The following SYNPO2 variants were observed in gnomAD, a reference collection of about 807,000 sequenced individuals.
The protein encoded by SYNPO2 is synaptopodin 2.
Under a neutral mutation model 85.0 loss-of-function variants are expected in SYNPO2, and 56 were observed. The ratio of observed to expected loss-of-function variants is 0.66; its 90% CI spans 0.53 to 0.82. The LOEUF is 0.82. SYNPO2 is among the 40% of genes least tolerant of loss of function. SYNPO2 has a pLI of 0.00. For synonymous variants in SYNPO2, 602 were observed against 591.1 expected, an observed-to-expected ratio of 1.02 and a Z score of -0.27; for missense variants, 1,575 against 1,534.2, an observed-to-expected ratio of 1.03 and a Z score of -0.44.
At chr4:119,049,534 C>T (rs546444097) in intron 4 of SYNPO2, among the ~76,000 whole-genome samples, 4 of 152,298 alleles carry the variant, frequency 2.6e-5, no homozygotes, top group Non-Finnish European at 4.4e-5. Context: ...CTTTGACTCA[C>T]GACACATACA....
At chr4:118,871,571 A>ATT (rs67838256) in intron 1 of SYNPO2, among the ~76,000 whole-genome samples, 114,559 of 142,394 alleles carry the variant, frequency 0.8, 46,650 homozygotes, top group Middle Eastern at 0.88. Flanking sequence ...ATAAATAACA[A>ATT]TTTTTTTTTT....
intron 1 of SYNPO2, among the ~76,000 whole-genome samples, chr4:119,007,221 T>TATATATATATAC (rs1737067201): frequency 5.2e-5 from 2 of 38,662 alleles, no homozygotes; most frequent in Non-Finnish European, 9.2e-5. Context: ...CAAAGGTATA[T>TATATATATATAC]ATATATATAT....
At chr4:118,870,876 T>A (rs1197838541) in intron 1 of SYNPO2, among the ~76,000 whole-genome samples, 1 of 152,174 alleles carries the variant, frequency 6.6e-6, no homozygotes, top group Non-Finnish European at 1.5e-5. Context: ...ATCCTGCATA[T>A]GTATCCCAAA....
At chr4:118,969,503 C>T (rs78366160) in intron 1 of SYNPO2, among the ~76,000 whole-genome samples, 1 of 152,158 alleles carries the variant, frequency 6.6e-6, no homozygotes, top group Non-Finnish European at 1.5e-5. Flanking sequence ...AGGTGTGGAG[C>T]GCCAGTCTTT....
chr4:118,900,699 C>CTATATATATATATA (rs1339820717), intron 1 of SYNPO2, among the ~76,000 whole-genome samples: 4 of 29,438 alleles, frequency 1.4e-4, no homozygotes, highest in Non-Finnish European at 3.4e-4. Context: ...CTCTCTCTCT[C>CTATATATATATATA]TCTCTATATA....
chr4:118,944,339 T>C (rs1734424060), intron 1 of SYNPO2, among the ~76,000 whole-genome samples: 1 of 152,166 alleles, frequency 6.6e-6, no homozygotes, highest in Non-Finnish European at 1.5e-5. Flanking sequence ...CTTGGGAAAC[T>C]CTTTAGTCCT....
intron 1 of SYNPO2, among the ~76,000 whole-genome samples, chr4:118,962,534 T>C (rs1402217965): frequency 6.6e-6 from 1 of 152,234 alleles, no homozygotes; most frequent in Non-Finnish European, 1.5e-5. Flanking sequence ...TTTTCCTAAT[T>C]ATAAAGGGTT....
chr4:118,938,032 G>T (rs953377711), intron 1 of SYNPO2, among the ~76,000 whole-genome samples: 1 of 152,194 alleles, frequency 6.6e-6, no homozygotes, highest in Non-Finnish European at 1.5e-5. Flanking sequence ...GCCAGGCACG[G>T]TGGCTCACAC....
chr4:119,023,714 C>T (rs1737829733), intron 2 of SYNPO2, 133 bp downstream of exon 2: 2 of 1,006,750 alleles, frequency 2.0e-6, no homozygotes, highest in South Asian at 6.3e-5. Context: ...TATAGTTAAA[C>T]AGAAACACCA....
At chr4:119,035,435 G>C in intron 4 of SYNPO2, 5 of 985,330 alleles carry the variant, frequency 5.1e-6, no homozygotes, top group Non-Finnish European at 6.0e-6. Context: ...GACACATCCT[G>C]TTTTTTAGAG....
chr4:118,939,526 A>G (rs896690966), intron 1 of SYNPO2, among the ~76,000 whole-genome samples: 6 of 152,232 alleles, frequency 3.9e-5, no homozygotes, highest in African/African-American at 9.6e-5. Context: ...CATTGTCTTC[A>G]TGAGTTTATA....
chr4:118,924,606 G>A lies in SYNPO2; in HGVS notation c.105+35465G>A, dbSNP rs116108428. 1.3e-3 allele frequency among the ~76,000 whole-genome samples: 192 copies of A among 152,268 alleles called. 1 individual carries two copies. The highest frequency in any genetic ancestry group is 4.4e-3 in the African/African-American group (183 of 41,568). On this transcript the variant is annotated intron_variant, in intron 1 of 4. Transcript: ENST00000307142. ...CATATACCCATCTTTTCAGACACTTGACAGGCACTTGGCCTTTGGCCCTAT... is the reference window on the plus strand; with the variant it reads ...CATATACCCATCTTTTCAGACACTTAACAGGCACTTGGCCTTTGGCCCTAT...
At chr4:119,020,862 A>C (rs1249433392) in intron 1 of SYNPO2, among the ~76,000 whole-genome samples, 1 of 152,186 alleles carries the variant, frequency 6.6e-6, no homozygotes, top group Non-Finnish European at 1.5e-5. Flanking sequence ...TTCATTTTAA[A>C]TATTTCATGC....
intron 1 of SYNPO2, among the ~76,000 whole-genome samples, chr4:118,934,450 C>T (rs1734033717): frequency 6.6e-6 from 1 of 152,148 alleles, no homozygotes; most frequent in African/African-American, 2.4e-5. Flanking sequence ...GGGAAGAAAG[C>T]ATATTAGTCC....
intron 1 of SYNPO2, among the ~76,000 whole-genome samples, chr4:118,874,928 C>T (rs901056421): frequency 4.6e-5 from 7 of 152,086 alleles, no homozygotes; most frequent in Non-Finnish European, 1.0e-4. Flanking sequence ...CATATGTAAA[C>T]GTGTGCCATG....
chr4:118,928,841 A>G (rs1475575894), intron 1 of SYNPO2, among the ~76,000 whole-genome samples: 1 of 152,242 alleles, frequency 6.6e-6, no homozygotes, highest in African/African-American at 2.4e-5. Context: ...AAGCAGCTTC[A>G]GAAGCCTTGG....
intron 4 of SYNPO2, among the ~76,000 whole-genome samples, chr4:119,040,491 G>A (rs1424026423): frequency 2.6e-5 from 4 of 151,612 alleles, no homozygotes; most frequent in Admixed American, 1.3e-4. Flanking sequence ...CATTCTTTTC[G>A]TGGTATACAA....
intron 1 of SYNPO2, among the ~76,000 whole-genome samples, chr4:118,863,968 C>G (rs140785263): frequency 2.6e-4 from 40 of 152,192 alleles, no homozygotes; most frequent in Non-Finnish European, 4.9e-4. Flanking sequence ...ATGCTCTGAT[C>G]TTTATTATTT....
intron 1 of SYNPO2, among the ~76,000 whole-genome samples, chr4:118,998,880 CTGTTTT>C (rs148233728): frequency 0.022 from 3,384 of 151,916 alleles, 126 homozygotes; most frequent in African/African-American, 0.076. Context: ...CTCTCTTACT[CTGTTTT>C]TGTTTTTGTT....
Sources: gnomAD v4.1 joint callset for allele counts (sites outside exome capture counted in the v4.1 genomes callset) on GRCh38, gnomAD v4.1.1 for gene constraint, MANE v1.5 for transcripts, NCBI Gene and HGNC (gene_info 2026-07-23, HGNC 2026-07-21) for gene names.